The following POPDC2 variants were observed in gnomAD, a reference collection of about 807,000 sequenced individuals.
POPDC2 encodes the protein popeye domain-containing protein 2.
In POPDC2, 24 loss-of-function variants were observed where a neutral mutation model predicts 30.5. The observed-to-expected ratio is 0.79, with a 90% confidence interval of 0.57 to 1.11. The LOEUF is 1.11. Ranked by LOEUF, POPDC2 falls within the 50% of genes least tolerant of loss-of-function variation. The pLI is 0.00. For missense variants in POPDC2, 409 were observed against 447.0 expected, an observed-to-expected ratio of 0.91 and a Z score of 0.77; for synonymous variants, 185 against 183.3, an observed-to-expected ratio of 1.01 and a Z score of -0.07.
chr3:119,654,757 A>G, intron 1 of POPDC2, 144 bp from the exon 2 acceptor site: 1 of 633,772 alleles, frequency 1.6e-6, no homozygotes, highest in Non-Finnish European at 2.8e-6. Context: ...AAGCTAGACT[A>G]GCCAGCCTAA....
chr3:119,659,893 C>T, intron 1 of POPDC2, 40 bp downstream of exon 1: 1 of 1,535,210 alleles, frequency 6.5e-7, no homozygotes, highest in Non-Finnish European at 8.8e-7. Flanking sequence ...GAAGTGTGGG[C>T]TGGGGAAAGA....
In POPDC2 at chr3:119,659,992, C is replaced by A. The variant is rs1173031676; in HGVS notation, c.432G>T (p.Gln144His). 8.1e-6 allele frequency: 13 copies of A among 1,613,820 alleles called. No individual in the cohort carries two copies. The South Asian group carries it at 1.4e-4, about 18-fold the overall frequency. ...GTGTCTCACCCTCCACAGCATAGGTCTGTTCAGTGGCCAGAGTTAAGACCT... is the reference window on the plus strand; with the variant it reads ...GTGTCTCACCCTCCACAGCATAGGTATGTTCAGTGGCCAGAGTTAAGACCT... ...EEQVLTLATE[Q>H]TYAVEGETPI... The change falls in exon 1 of 4, where the codon CAG (glutamine) becomes CAT (histidine). Residue 144 changes from glutamine to histidine, a missense_variant. Physicochemically the swap from Gln to His is conservative, Grantham distance 24. Coordinates refer to ENST00000493094, the MANE Select transcript of POPDC2 (RefSeq NM_001369919.2).
chr3:119,646,253 T>C (rs1020422160), intron 3 of POPDC2, among the ~76,000 whole-genome samples: 4 of 151,892 alleles, frequency 2.6e-5, no homozygotes, highest in Admixed American at 1.3e-4. Context: ...GAGAGATAAA[T>C]ATATGAACAA....
chr3:119,648,354 C>T lies in POPDC2; in HGVS notation c.915G>A (p.Gln305=). ...GAGGGGTAGAACAAGGGGGTGTTTG[C>T]TGGAGAGAGGTGGGTGTGGCCTGAG... ...SPPQATPTSL[Q]QTPPCSTPPA... Residue 305 remains glutamine (Q), a synonymous_variant, in exon 3 of 4, where the codon CAG becomes CAA. Coordinates refer to ENST00000493094, the MANE Select transcript of POPDC2 (RefSeq NM_001369919.2). The T allele has an allele frequency of 1.2e-6, 2 of 1,614,006 alleles. No homozygotes were observed. Among genetic ancestry groups the T allele is most frequent in the Non-Finnish European group, 1.7e-6 (2 of 1,179,992 alleles).
rs773109401 is a variant in POPDC2, at chr3:119,660,407, C to T, written c.17G>A (p.Ser6Asn). MSANS[S>N]RVGQLLLQGS... The stretch of plus-strand genomic sequence containing the variant: ...CTGCAAGAGAAGCTGGCCCACTCTG[C>T]TGCTGTTGGCGCTCATCTTTGGGGC... The change falls in exon 1 of 4, where the codon AGC becomes AAC. Residue 6 changes from serine to asparagine, a missense_variant. Coordinates refer to ENST00000493094, the MANE Select transcript of POPDC2 (RefSeq NM_001369919.2). 3 of 1,612,094 alleles carry T rather than the reference C, an allele frequency of 1.9e-6. No homozygotes were observed. Among genetic ancestry groups the T allele is most frequent in the Non-Finnish European group, 2.5e-6 (3 of 1,178,708 alleles).
rs748410481 is a variant in POPDC2, at chr3:119,642,496, TTGGAGCCAAAGGGGCC to T, written c.*93_*108del. 6.6e-5 allele frequency: 106 copies of T among 1,612,092 alleles called. No individual in the cohort carries two copies. Among genetic ancestry groups the T allele is most frequent in the Non-Finnish European group, 8.2e-5 (97 of 1,178,298 alleles). ...GATCCTTAAAGTTCAGGCGTGTGGG[TTGGAGCCAAAGGGGCC>T]TGTCCCCTGGATATAACTTGAGAGT... is the stretch of plus-strand genomic sequence containing the variant. On this transcript the variant is annotated 3_prime_UTR_variant, in exon 4 of 4. Coordinates refer to ENST00000493094, the MANE Select transcript of POPDC2 (RefSeq NM_001369919.2).
At chr3:119,647,996 A>G (rs2052763539) in intron 3 of POPDC2, 123 bp downstream of exon 3, 1 of 766,010 alleles carries the variant, frequency 1.3e-6, no homozygotes, top group Admixed American at 3.3e-5. Context: ...AAGTTGGGTT[A>G]ATGCCACTTT....
chr3:119,659,153 G>A (rs1161952225), intron 1 of POPDC2, among the ~76,000 whole-genome samples: 1 of 152,192 alleles, frequency 6.6e-6, no homozygotes, highest in Non-Finnish European at 1.5e-5. Context: ...GGCATACACT[G>A]ATCCTGACTA....
intron 2 of POPDC2, among the ~76,000 whole-genome samples, chr3:119,649,467 T>A (rs1442369571): frequency 1.3e-5 from 2 of 152,152 alleles, no homozygotes; most frequent in East Asian, 3.9e-4. Flanking sequence ...GTTTGATAAA[T>A]CCTTGTTAAA....
chr3:119,643,066 C>CT (rs1456954030), intron 3 of POPDC2, among the ~76,000 whole-genome samples: 4 of 152,316 alleles, frequency 2.6e-5, no homozygotes, highest in African/African-American at 9.6e-5. Context: ...ACAATGGAAC[C>CT]TGTGGCAGGT....
intron 3 of POPDC2, among the ~76,000 whole-genome samples, chr3:119,645,698 C>T (rs1483834307): frequency 6.6e-6 from 1 of 152,144 alleles, no homozygotes; most frequent in Non-Finnish European, 1.5e-5. Flanking sequence ...AGACCCACCA[C>T]CACAAGGGCT....
intron 2 of POPDC2, among the ~76,000 whole-genome samples, chr3:119,652,083 T>C (rs1242252425): frequency 2.0e-5 from 3 of 151,744 alleles, no homozygotes; most frequent in Admixed American, 6.6e-5. Flanking sequence ...TCATCTCAGA[T>C]GTTGGTTGAA....
intron 1 of POPDC2, among the ~76,000 whole-genome samples, chr3:119,658,482 A>G (rs759166606): frequency 6.6e-6 from 1 of 152,224 alleles, no homozygotes; most frequent in Non-Finnish European, 1.5e-5. Context: ...TGGGCACCCT[A>G]CACTGGAGGG....
At chr3:119,643,569 AT>A in intron 3 of POPDC2, 1 of 713,776 alleles carries the variant, frequency 1.4e-6, no homozygotes. Flanking sequence ...GCCTTTATGT[AT>A]TTTATCACAA....
chr3:119,648,862 C>G (rs568758328), intron 2 of POPDC2, among the ~76,000 whole-genome samples, 194 bp from the exon 3 acceptor site: 30 of 152,242 alleles, frequency 2.0e-4, no homozygotes, highest in African/African-American at 6.3e-4. Flanking sequence ...ATGGGGGGGT[C>G]CTGTGTCAGG....
At chr3:119,655,520 G>A (rs1025035612) in intron 1 of POPDC2, among the ~76,000 whole-genome samples, 6 of 152,242 alleles carry the variant, frequency 3.9e-5, no homozygotes, top group South Asian at 2.1e-4. Flanking sequence ...TGTTGGATCC[G>A]CTGCTCCACA....
intron 1 of POPDC2, among the ~76,000 whole-genome samples, chr3:119,656,298 C>CT (rs200049566): frequency 2.6e-5 from 4 of 152,012 alleles, no homozygotes; most frequent in Admixed American, 6.5e-5. Context: ...AAATAAAGAC[C>CT]TTTTTTCCCC....
At chr3:119,656,528 C>T (rs781661321) in intron 1 of POPDC2, among the ~76,000 whole-genome samples, 4 of 152,052 alleles carry the variant, frequency 2.6e-5, no homozygotes, top group Non-Finnish European at 5.9e-5. Context: ...AGTGCTCTGC[C>T]CCTGCAGGGT....
intron 1 of POPDC2, among the ~76,000 whole-genome samples, chr3:119,658,543 T>C (rs1353429989): frequency 1.3e-5 from 2 of 152,196 alleles, no homozygotes; most frequent in Non-Finnish European, 2.9e-5. Flanking sequence ...AGCTATAACA[T>C]CATGGGTCTC....
Sources: allele counts gnomAD v4.1 joint callset (sites outside exome capture counted in the v4.1 genomes callset), GRCh38; gene constraint gnomAD v4.1.1; transcripts MANE v1.5; gene names NCBI Gene and HGNC (gene_info 2026-07-23, HGNC 2026-07-21).